The following UBAC2 variants were observed in gnomAD, a reference collection of about 807,000 sequenced individuals.
UBAC2 encodes the protein ubiquitin-associated domain-containing protein 2.
Under a neutral mutation model 44.0 loss-of-function variants are expected in UBAC2, and 26 were observed. That is an observed-to-expected ratio of 0.59 (90% CI 0.43 to 0.82). UBAC2 has a LOEUF of 0.82. Ranked by LOEUF, UBAC2 falls within the 40% of genes least tolerant of loss-of-function variation. UBAC2 has a pLI of 0.00. For synonymous variants in UBAC2, 155 were observed against 154.3 expected (o/e 1.00, Z -0.04); for missense variants, 329 against 419.4 (o/e 0.78, Z 1.88).
intron 8 of UBAC2, among the ~76,000 whole-genome samples, chr13:99,379,131 G>C (rs1039330085): frequency 6.6e-6 from 1 of 152,210 alleles, no homozygotes; most frequent in African/African-American, 2.4e-5. Context: ...ATAATGGTCT[G>C]GTAAGAAATT....
intron 1 of UBAC2, among the ~76,000 whole-genome samples, chr13:99,218,402 C>T (rs1230819322): frequency 6.6e-6 from 1 of 152,116 alleles, no homozygotes; most frequent in Non-Finnish European, 1.5e-5. Flanking sequence ...TTACAGCTCA[C>T]TCTTTCCTCC....
rs1286451393 is a variant in UBAC2 at position 99,385,901 on chromosome 13, A to C, written c.*566A>C. 1 of 154,470 alleles carries C rather than the reference A, an allele frequency of 6.5e-6. No individual in the cohort carries two copies. Among genetic ancestry groups the C allele is most frequent in the Non-Finnish European group, 1.4e-5 (1 of 69,202 alleles). 9.6% of individuals were successfully genotyped at this position (154,470 alleles called of 1,614,324 possible). On this transcript the variant is annotated 3_prime_UTR_variant, in exon 9 of 9. Transcript: ENST00000403766. ...TACCTTCTCCTACATCTAGTAACAA[A>C]GAATGGTGATAACCATGCACTGGTT...
At chr13:99,245,581 C>T (rs1265190614) in intron 4 of UBAC2, among the ~76,000 whole-genome samples, 2 of 152,134 alleles carry the variant, frequency 1.3e-5, no homozygotes, top group Non-Finnish European at 2.9e-5. Context: ...AGGCCGGGCG[C>T]GGTGGCTCAT....
At chr13:99,312,913 A>T (rs147746086) in intron 4 of UBAC2, 3 of 152,966 alleles carry the variant, frequency 2.0e-5, no homozygotes, top group African/African-American at 7.2e-5. Context: ...GAAGCATTTT[A>T]TCTTTGGATA....
intron 6 of UBAC2, among the ~76,000 whole-genome samples, chr13:99,333,102 G>GA (rs2044740152): frequency 6.6e-6 from 1 of 151,954 alleles, no homozygotes; most frequent in Non-Finnish European, 1.5e-5. Flanking sequence ...TCTCTGGGGG[G>GA]GGAAGAAAGA....
intron 7 of UBAC2, among the ~76,000 whole-genome samples, chr13:99,359,295 T>C (rs1379688967): frequency 6.6e-6 from 1 of 152,250 alleles, no homozygotes; most frequent in African/African-American, 2.4e-5. Flanking sequence ...TGTTTCATTA[T>C]TAAAATACCA....
chr13:99,232,397 G>T (rs2043182575), intron 1 of UBAC2, among the ~76,000 whole-genome samples: 1 of 82,254 alleles, frequency 1.2e-5, no homozygotes, highest in Non-Finnish European at 3.0e-5. Context: ...CCTTAGTTGA[G>T]AGATATAGAT....
chr13:99,215,672 T>C, intron 1 of UBAC2: 2 of 1,477,372 alleles, frequency 1.4e-6, no homozygotes, highest in South Asian at 2.6e-5. Context: ...TACAGCCCTC[T>C]GGGAACTGCA....
intron 4 of UBAC2, among the ~76,000 whole-genome samples, chr13:99,298,850 G>A (rs1424971298): frequency 1.3e-5 from 2 of 152,124 alleles, no homozygotes; most frequent in African/African-American, 4.8e-5. Flanking sequence ...CCAGGCAAGG[G>A]TTGCAGCTTT....
intron 6 of UBAC2, among the ~76,000 whole-genome samples, chr13:99,339,311 GCCC>G (rs2044849480): frequency 1.3e-5 from 2 of 152,178 alleles, no homozygotes; most frequent in South Asian, 4.1e-4. Flanking sequence ...GTCCCCCGCT[GCCC>G]CCAGAGTAGG....
chr13:99,307,511 C>T (rs1332304121), intron 4 of UBAC2: 1 of 151,282 alleles, frequency 6.6e-6, no homozygotes, highest in South Asian at 2.1e-4. Context: ...GAGCAGTTAG[C>T]CTCGTGTACG....
Position 99,327,821 on chromosome 13 carries a change from T to A in UBAC2, c.561+9752T>A, listed in dbSNP as rs182203173. On this transcript the variant is annotated intron_variant, in intron 6 of 8. Coordinates refer to ENST00000403766, the MANE Select transcript of UBAC2 (RefSeq NM_001144072.2). ...TTCTAGATCTTCACATTCTTTTTTA[T>A]TAAAAGATTCTTTTTCCCTTTTTTT... Among the ~76,000 whole-genome samples the A allele has an allele frequency of 7.1e-3, 1,078 of 152,354 alleles. 14 individuals carry two copies. The highest frequency in any genetic ancestry group is 8.5e-3 in the Non-Finnish European group (577 of 68,032).
intron 6 of UBAC2, among the ~76,000 whole-genome samples, chr13:99,339,021 C>A (rs113618557): frequency 6.6e-6 from 1 of 152,120 alleles, no homozygotes; most frequent in Admixed American, 6.5e-5. Context: ...CTCCTCCCCC[C>A]CATTTTATCT....
intron 1 of UBAC2, among the ~76,000 whole-genome samples, chr13:99,209,205 C>A (rs553423186): frequency 6.6e-6 from 1 of 151,894 alleles, no homozygotes. Flanking sequence ...CCATCGAGCC[C>A]CTACCTCAGC....
intron 1 of UBAC2, among the ~76,000 whole-genome samples, chr13:99,227,336 A>G (rs113930625): frequency 0.01 from 1,532 of 152,290 alleles, 30 homozygotes; most frequent in African/African-American, 0.035. Context: ...CAAGTTACCT[A>G]GGAGGGGTCC....
At chr13:99,260,673 A>G (rs1241395310) in intron 4 of UBAC2, among the ~76,000 whole-genome samples, 3 of 152,224 alleles carry the variant, frequency 2.0e-5, no homozygotes, top group Non-Finnish European at 4.4e-5. Flanking sequence ...TTCAACTTGT[A>G]TAATGTAGAC....
At chr13:99,211,999 G>A (rs984650076) in intron 1 of UBAC2, among the ~76,000 whole-genome samples, 4 of 152,176 alleles carry the variant, frequency 2.6e-5, no homozygotes, top group Non-Finnish European at 5.9e-5. Context: ...GTTTACCTTT[G>A]GTAGACATGT....
intron 4 of UBAC2, among the ~76,000 whole-genome samples, chr13:99,245,608 C>G (rs764801832): frequency 6.6e-6 from 1 of 152,116 alleles, no homozygotes; most frequent in East Asian, 1.9e-4. Context: ...TTTGGGAGGC[C>G]GAGGTGGGCG....
intron 4 of UBAC2, among the ~76,000 whole-genome samples, chr13:99,257,712 A>G (rs2043589913): frequency 6.6e-6 from 1 of 152,214 alleles, no homozygotes. Context: ...TTTTCTTAAA[A>G]ACCATTAAGT....
Sources: allele counts gnomAD v4.1 joint callset (sites outside exome capture counted in the v4.1 genomes callset), GRCh38; gene constraint gnomAD v4.1.1; transcripts MANE v1.5; gene names NCBI Gene and HGNC (gene_info 2026-07-23, HGNC 2026-07-21).